PACRG: variants seen among roughly 807,000 people sequenced by gnomAD.
PACRG encodes parkin coregulated.
A neutral mutation model predicts 29.7 loss-of-function variants in PACRG; 29 were observed. The ratio of observed to expected loss-of-function variants is 0.98; its 90% confidence interval spans 0.73 to 1.33. PACRG has a LOEUF of 1.33. Ranked by LOEUF, PACRG falls within the 40% of genes most tolerant of loss-of-function variation. The probability of loss-of-function intolerance (pLI) is 0.00; values close to 1 mark genes in which losing one functional copy is unlikely to be tolerated. For missense variants in PACRG, 279 were observed against 316.2 expected (o/e 0.88, Z 0.89); for synonymous variants, 116 against 118.7 (o/e 0.98, Z 0.15).
At chr6:162,986,816 A>G (rs1802934053) in intron 2 of PACRG, among the ~76,000 whole-genome samples, 1 of 152,026 alleles carries the variant, frequency 6.6e-6, no homozygotes. Flanking sequence ...ATTGTCGACA[A>G]TTTCCAGTGC....
At chr6:162,893,790 G>A (rs1158758777) in intron 2 of PACRG, among the ~76,000 whole-genome samples, 1 of 152,176 alleles carries the variant, frequency 6.6e-6, no homozygotes, top group African/African-American at 2.4e-5. Flanking sequence ...GAATCACCCA[G>A]TTAGAAAGAT....
chr6:163,168,261 G>A (rs1490848433), intron 4 of PACRG, among the ~76,000 whole-genome samples: 1 of 152,178 alleles, frequency 6.6e-6, no homozygotes, highest in Non-Finnish European at 1.5e-5. Context: ...TGGATCACCT[G>A]AGGTCCAAGA....
intron 4 of PACRG, chr6:163,310,532 C>T (rs1785372244): frequency 6.6e-6 from 1 of 152,238 alleles, no homozygotes; most frequent in African/African-American, 2.4e-5. Flanking sequence ...CTGCCACGAC[C>T]CACGGCGTTC....
rs74632188 is a variant in PACRG, at chr6:163,213,155, A to G, written c.614-101672A>G. Reference sequence around the variant, plus strand: ...ACAAATTAAAAGCACGTGGCAGCTGATGGAGCACAGTGGGATATATCTGCC... The same window carrying G: ...ACAAATTAAAAGCACGTGGCAGCTGGTGGAGCACAGTGGGATATATCTGCC... On this transcript the variant is annotated intron_variant, in intron 4 of 4. Coordinates refer to ENST00000366888, the MANE Select transcript of PACRG (RefSeq NM_001080379.2). Among the ~76,000 whole-genome samples, 28 of 152,334 alleles carry G rather than the reference A, an allele frequency of 1.8e-4. No homozygotes were observed. The East Asian group carries it at 5.2e-3, about 28-fold the overall frequency.
At chr6:163,100,431 A>T (rs997604565) in intron 4 of PACRG, among the ~76,000 whole-genome samples, 1 of 152,142 alleles carries the variant, frequency 6.6e-6, no homozygotes, top group African/African-American at 2.4e-5. Flanking sequence ...GCCCCTGGGG[A>T]CACCTTCAGG....
At position 163,290,278 on chromosome 6, in the gene PACRG, GCACACACACACACACA is replaced by G. The variant is rs3064946; in HGVS notation, c.614-24518_614-24503del. ...CATGTGCGCATGCACGCGCGCGCGCGCACACACACACACACACACACACACACACACACACACACAC... is the reference window on the plus strand; with the variant it reads ...CATGTGCGCATGCACGCGCGCGCGCGCACACACACACACACACACACACAC... On this transcript the variant is annotated intron_variant, in intron 4 of 4. Transcript: ENST00000366888. Among the ~76,000 whole-genome samples, 708 of 114,564 alleles carry G rather than the reference GCACACACACACACACA, an allele frequency of 6.2e-3. 9 individuals are homozygous for G. Among genetic ancestry groups the G allele is most frequent in the African/African-American group, 0.016 (522 of 32,796 alleles). 75.2% of individuals were successfully genotyped at this position (114,564 alleles called of 152,430 possible). A position where few individuals can be genotyped will look rare whatever the true frequency, so the allele number is the denominator to read the frequency against.
At chr6:163,188,728 A>G (rs1016883760) in intron 4 of PACRG, among the ~76,000 whole-genome samples, 3 of 152,196 alleles carry the variant, frequency 2.0e-5, no homozygotes, top group Admixed American at 1.3e-4. Flanking sequence ...CTCAGTAGTT[A>G]CAATTGCAGT....
chr6:162,966,644 T>G (rs977997626), intron 2 of PACRG, among the ~76,000 whole-genome samples: 2 of 151,990 alleles, frequency 1.3e-5, no homozygotes, highest in African/African-American at 4.8e-5. Flanking sequence ...GCCCGGCTAA[T>G]TTTTTGTATT....
intron 4 of PACRG, among the ~76,000 whole-genome samples, chr6:163,240,150 C>A (rs563670813): frequency 6.6e-6 from 1 of 152,072 alleles, no homozygotes; most frequent in African/African-American, 2.4e-5. Flanking sequence ...GCTTCCGAGA[C>A]GGTGGTGGCT....
At chr6:162,888,925 A>G (rs1176746592) in intron 2 of PACRG, among the ~76,000 whole-genome samples, 2 of 152,210 alleles carry the variant, frequency 1.3e-5, no homozygotes, top group African/African-American at 2.4e-5. Context: ...AAGAGAGCAT[A>G]GGTTTATATT....
intron 4 of PACRG, among the ~76,000 whole-genome samples, chr6:163,234,245 G>T (rs1322825664): frequency 1.3e-5 from 1 of 75,744 alleles, no homozygotes; most frequent in Non-Finnish European, 2.5e-5. Flanking sequence ...GAGGCCTGGT[G>T]GGAGGGTCAT....
chr6:163,288,886 T>C (rs962876237), intron 4 of PACRG, among the ~76,000 whole-genome samples: 7 of 152,236 alleles, frequency 4.6e-5, no homozygotes, highest in African/African-American at 1.4e-4. Context: ...GAATTCAGAT[T>C]GCATGTTCTT....
chr6:163,052,713 T>C (rs1724758031), intron 2 of PACRG, among the ~76,000 whole-genome samples: 1 of 152,242 alleles, frequency 6.6e-6, no homozygotes, highest in Admixed American at 6.5e-5. Flanking sequence ...GATGTTTCTT[T>C]ATAGTAATGT....
chr6:163,276,091 A>G (rs1382681376), intron 4 of PACRG, among the ~76,000 whole-genome samples: 1 of 146,074 alleles, frequency 6.8e-6, no homozygotes, highest in Non-Finnish European at 1.5e-5. Context: ...CAGTGGTGTG[A>G]TCTTGGCTCA....
intron 2 of PACRG, among the ~76,000 whole-genome samples, chr6:162,935,392 CTTTTTTT>C (rs79058842): frequency 8.1e-6 from 1 of 124,058 alleles, no homozygotes; most frequent in Non-Finnish European, 1.8e-5. Flanking sequence ...CTGTTTTATT[CTTTTTTT>C]TTTTTTTTTT....
In PACRG at chr6:163,247,243, T is replaced by C. The variant is rs376420925; in HGVS notation, c.614-67584T>C. Among the ~76,000 whole-genome samples the C allele has an allele frequency of 4.7e-4, 71 of 152,320 alleles. No homozygotes were observed. In the South Asian group the frequency reaches 0.014, roughly 31 times the overall value. On this transcript the variant is annotated intron_variant, in intron 4 of 4. Transcript: ENST00000366888. ...TGAAAATAAAGCATTAAAGAAATGC[T>C]AGTGTAAATATGTGTCCACTCATAT...
In PACRG at chr6:162,910,874, C is replaced by T. The variant is rs558552174; in HGVS notation, c.291+96593C>T. Among the ~76,000 whole-genome samples the T allele has an allele frequency of 7.2e-5, 11 of 152,198 alleles. No individual in the cohort carries two copies. The South Asian group carries it at 2.3e-3, about 32-fold the overall frequency. On this transcript the variant is annotated intron_variant, in intron 2 of 4. Transcript: ENST00000366888. The stretch of plus-strand genomic sequence containing the variant: ...AGAAAGGAGGAAAAATGAATCAAAC[C>T]AAAAGTTAAAGCAACTTTCTCACCT...
intron 4 of PACRG, among the ~76,000 whole-genome samples, chr6:163,148,436 G>A: frequency 6.6e-6 from 1 of 152,184 alleles, no homozygotes; most frequent in East Asian, 1.9e-4. Context: ...GCCACATCTG[G>A]CCATCACGGG....
chr6:163,281,963 A>G (rs1455674096), intron 4 of PACRG, among the ~76,000 whole-genome samples: 2 of 152,246 alleles, frequency 1.3e-5, no homozygotes, highest in African/African-American at 4.8e-5. Flanking sequence ...GAAGCAGATC[A>G]AGTTTTTCAA....
Sources: gnomAD v4.1 joint callset for allele counts (sites outside exome capture counted in the v4.1 genomes callset) on GRCh38, gnomAD v4.1.1 for gene constraint, MANE v1.5 for transcripts, NCBI Gene and HGNC (gene_info 2026-07-23, HGNC 2026-07-21) for gene names.